Variants in RNF17 observed in about 807,000 individuals in gnomAD.
RNF17 encodes the protein ring finger protein 17.
Under a neutral mutation model 200.5 loss-of-function variants are expected in RNF17, and 31 were observed. The observed-to-expected ratio is 0.15, with a 90% CI of 0.12 to 0.21. The LOEUF (loss-of-function observed/expected upper bound fraction) is 0.21. Ranked by LOEUF, RNF17 falls within the 10% of genes least tolerant of loss-of-function variation. The pLI is 1.00. For missense variants in RNF17, 1,628 were observed against 1,905.1 expected (o/e 0.85, Z 2.71); for synonymous variants, 606 against 637.8 (o/e 0.95, Z 0.75).
At chr13:24,806,738 G>T (rs568013687) in intron 15 of RNF17, among the ~76,000 whole-genome samples, 1 of 150,968 alleles carries the variant, frequency 6.6e-6, no homozygotes, top group African/African-American at 2.4e-5. Context: ...ATGCTGGTGC[G>T]CTGCACCCAC....
At chr13:24,810,311 G>T (rs1210727452) in intron 15 of RNF17, among the ~76,000 whole-genome samples, 1 of 141,264 alleles carries the variant, frequency 7.1e-6, no homozygotes, top group African/African-American at 2.8e-5. Context: ...CTTGCTTTAT[G>T]AATCTGGGTG....
At chr13:24,854,192 C>T (rs1195578821) in intron 25 of RNF17, 48 bp downstream of exon 25, 2 of 1,423,302 alleles carry the variant, frequency 1.4e-6, no homozygotes, top group Non-Finnish European at 1.9e-6. Flanking sequence ...GTACGAACGA[C>T]AGGGATTGAA....
the RNF17 span, among the ~76,000 whole-genome samples, chr13:24,750,253 A>T: frequency 2.0e-5 from 3 of 152,214 alleles, no homozygotes; most frequent in Non-Finnish European, 4.4e-5. Context: ...AGATTTCTTT[A>T]ACATTCCTTT....
rs772770859 is a variant in RNF17, at chr13:24,778,307, T to G, written c.330T>G (p.Cys110Trp). 5 of 1,603,026 alleles carry G rather than the reference T, an allele frequency of 3.1e-6. No individual in the cohort carries two copies. The highest frequency in any genetic ancestry group is 4.3e-6 in the Non-Finnish European group (5 of 1,170,574). The change falls in exon 4 of 36, where the codon TGT (cysteine) becomes TGG (tryptophan). Residue 110 changes from cysteine (C) to tryptophan (W), a missense_variant. Transcript: ENST00000255324. The stretch of plus-strand genomic sequence containing the variant: ...TGATACTTTTCAGGATAAAGAATTG[T>G]TCTCAGGACTTTAAGAAGACTGCTG... ...EKLQPKTIKN[C>W]SQDFKKTADQ...
rs922187393 is a variant in RNF17 at position 24,794,724 on chromosome 13, TA to T, written c.1240+1386del. ...ACTCTGGCAGAAATATTCCCCCCAA[TA>T]AAAAAAATATTTTTTGAGACAGAGT... On this transcript the variant is annotated intron_variant, in intron 10 of 35. Coordinates refer to ENST00000255324, the MANE Select transcript of RNF17 (RefSeq NM_031277.3). Among the ~76,000 whole-genome samples, 10 of 151,946 alleles carry T rather than the reference TA, an allele frequency of 6.6e-5. No homozygotes were observed. In the South Asian group the frequency reaches 8.3e-4, roughly 13 times the overall value.
At chr13:24,881,758 T>A (rs1953827078), downstream of RNF17, among the ~76,000 whole-genome samples, 1 of 145,428 alleles carries the variant, frequency 6.9e-6, no homozygotes, top group Non-Finnish European at 1.5e-5. Flanking sequence ...AGGTCAGGAG[T>A]TTGAGACCAG....
At chr13:24,883,461 G>T, downstream of RNF17, 1 of 952,656 alleles carries the variant, frequency 1.0e-6, no homozygotes, top group Non-Finnish European at 1.6e-6. Flanking sequence ...TTTTGAGTCT[G>T]GCAGCTACTT....
chr13:24,841,265 C>G (rs903679457), intron 18 of RNF17, among the ~76,000 whole-genome samples: 5 of 152,148 alleles, frequency 3.3e-5, no homozygotes, highest in Admixed American at 2.6e-4. Context: ...GAAAAAAGTT[C>G]TAGTTAATTG....
At chr13:24,878,597 A>C (rs1400180549) in intron 34 of RNF17, among the ~76,000 whole-genome samples, 1 of 152,198 alleles carries the variant, frequency 6.6e-6, no homozygotes, top group African/African-American at 2.4e-5. Context: ...CAAGTTCTAC[A>C]GTCCAAAAAC....
At chr13:24,801,348 TAA>T (rs908011150) in intron 13 of RNF17, among the ~76,000 whole-genome samples, 1 of 152,164 alleles carries the variant, frequency 6.6e-6, no homozygotes, top group African/African-American at 2.4e-5. Context: ...AAGATCAACA[TAA>T]AAAGTTTTTT....
downstream of RNF17, chr13:24,884,018 G>T (rs201774037): frequency 1.0e-4 from 168 of 1,613,940 alleles, 2 homozygotes; most frequent in Non-Finnish European, 2.1e-5. Context: ...TGTCCATCAG[G>T]AAATAAGTTT....
chr13:24,757,405 C>T, the RNF17 span, among the ~76,000 whole-genome samples: 4 of 151,792 alleles, frequency 2.6e-5, no homozygotes, highest in Admixed American at 2.0e-4. Flanking sequence ...CTCACTGCAA[C>T]CTCCGCCTCC....
chr13:24,873,921 G>A (rs1566260438), intron 32 of RNF17, among the ~76,000 whole-genome samples, 193 bp from the exon 33 acceptor site: 1 of 152,138 alleles, frequency 6.6e-6, no homozygotes, highest in Non-Finnish European at 1.5e-5. Flanking sequence ...ATTCCATTGT[G>A]TATATAATCA....
chr13:24,771,075 TG>T (rs1276942825), intron 2 of RNF17, among the ~76,000 whole-genome samples: 4 of 152,228 alleles, frequency 2.6e-5, no homozygotes, highest in African/African-American at 9.6e-5. Context: ...CTCTTCTGTG[TG>T]GATCTTTAAC....
intron 33 of RNF17, among the ~76,000 whole-genome samples, chr13:24,875,374 G>A (rs1202786485): frequency 6.6e-6 from 1 of 152,154 alleles, no homozygotes; most frequent in Non-Finnish European, 1.5e-5. Flanking sequence ...AGATGATGTT[G>A]AAGATGAAGC....
chr13:24,850,289 C>G lies in RNF17; in HGVS notation c.3102-52C>G, dbSNP rs954521800. The G allele has an allele frequency of 1.0e-5, 12 of 1,154,710 alleles. No individual in the cohort carries two copies. The African/African-American group carries it at 1.8e-4, about 18-fold the overall frequency. The allele number at this position is 1,154,710 out of a possible 1,614,324, so 71.5% of individuals were successfully genotyped here. On this transcript the variant is annotated intron_variant, in intron 22 of 35. Coordinates refer to ENST00000255324, the MANE Select transcript of RNF17 (RefSeq NM_031277.3). The stretch of plus-strand genomic sequence containing the variant: ...TAAATATAGTGTTTTTTGTATATTT[C>G]AATATTGTATGCTATTTTTATAAAA...
intron 6 of RNF17, among the ~76,000 whole-genome samples, chr13:24,783,914 T>G (rs927077083): frequency 6.6e-6 from 1 of 152,248 alleles, no homozygotes; most frequent in Admixed American, 6.5e-5. Flanking sequence ...ATTACTGTGT[T>G]GCACAGAAGT....
intron 11 of RNF17, 115 bp from the exon 12 acceptor site, chr13:24,799,277 TATC>T: frequency 1.3e-6 from 1 of 750,414 alleles, no homozygotes; most frequent in Non-Finnish European, 2.3e-6. Context: ...CACAGTGCTA[TATC>T]ATCATTAAAT....
At chr13:24,761,406 T>A (rs1878730064), upstream of RNF17, among the ~76,000 whole-genome samples, 1 of 152,242 alleles carries the variant, frequency 6.6e-6, no homozygotes, top group African/African-American at 2.4e-5. Context: ...AGGTTAGCTC[T>A]GTGACTGCAT....
Sources: allele counts gnomAD v4.1 joint callset (sites outside exome capture counted in the v4.1 genomes callset), GRCh38; gene constraint gnomAD v4.1.1; transcripts MANE v1.5; gene names NCBI Gene and HGNC (gene_info 2026-07-23, HGNC 2026-07-21).